SESTD1: variants seen among roughly 807,000 people sequenced by gnomAD.
The protein encoded by SESTD1 is SEC14 domain and spectrin repeat-containing protein 1.
A neutral mutation model predicts 101.7 loss-of-function variants in SESTD1; 43 were observed. That is an observed-to-expected ratio of 0.42 (90% CI 0.33 to 0.55). The LOEUF is 0.55. Ranked by LOEUF, SESTD1 falls within the 20% of genes least tolerant of loss-of-function variation. SESTD1 has a pLI of 0.07. For synonymous variants in SESTD1, 283 were observed against 286.8 expected (o/e 0.99, Z 0.13); for missense variants, 647 against 815.1 (o/e 0.79, Z 2.51).
At chr2:179,175,074 C>A (rs1004720226) in intron 4 of SESTD1, among the ~76,000 whole-genome samples, 5 of 152,056 alleles carry the variant, frequency 3.3e-5, no homozygotes, top group African/African-American at 4.8e-5. Flanking sequence ...CTGGTAAATA[C>A]ACATTTTAAA....
intron 2 of SESTD1, among the ~76,000 whole-genome samples, chr2:179,185,305 T>A (rs932705334): frequency 6.7e-6 from 1 of 149,174 alleles, no homozygotes; most frequent in Non-Finnish European, 1.5e-5. Context: ...ATCATTCATA[T>A]CAGAGTATAA....
At chr2:179,238,224 T>C (rs1036372374) in intron 1 of SESTD1, among the ~76,000 whole-genome samples, 2 of 152,150 alleles carry the variant, frequency 1.3e-5, no homozygotes, top group African/African-American at 4.8e-5. Context: ...AGGAAGAGGA[T>C]AGGTTGGCCT....
intron 1 of SESTD1, among the ~76,000 whole-genome samples, chr2:179,227,494 G>T (rs928797681): frequency 2.6e-5 from 4 of 152,048 alleles, no homozygotes; most frequent in African/African-American, 9.7e-5. Context: ...TAAGAATTGA[G>T]GTAACAAAAT....
intron 1 of SESTD1, among the ~76,000 whole-genome samples, chr2:179,239,003 G>T (rs1325984176): frequency 6.6e-6 from 1 of 152,122 alleles, no homozygotes; most frequent in Non-Finnish European, 1.5e-5. Context: ...AGAAATTCAA[G>T]AGTGTCTCAT....
At chr2:179,130,855 C>T (rs936109224) in intron 10 of SESTD1, among the ~76,000 whole-genome samples, 6 of 151,282 alleles carry the variant, frequency 4.0e-5, no homozygotes, top group African/African-American at 1.2e-4. Flanking sequence ...AATCACAATC[C>T]ATGTTAAAAA....
At chr2:179,201,630 G>A (rs530205828) in intron 1 of SESTD1, among the ~76,000 whole-genome samples, 1,282 of 124,762 alleles carry the variant, frequency 0.01, 234 homozygotes, top group African/African-American at 0.04. Flanking sequence ...GTAGGGACAT[G>A]GATGAAATTG....
At chr2:179,117,497 A>C in intron 14 of SESTD1, 35 bp downstream of exon 14, 1 of 1,514,160 alleles carries the variant, frequency 6.6e-7, no homozygotes, top group South Asian at 1.3e-5. Flanking sequence ...CTTCTAAGAA[A>C]AGTTAACTAC....
intron 9 of SESTD1, among the ~76,000 whole-genome samples, chr2:179,137,181 A>T (rs1281378403): frequency 6.6e-6 from 1 of 152,204 alleles, no homozygotes; most frequent in African/African-American, 2.4e-5. Context: ...AAATGGTTAC[A>T]TTTACATGCA....
At position 179,243,246 on chromosome 2, in the gene SESTD1, C is replaced by CA. The variant is rs557001160; in HGVS notation, c.-26+21252dup. ...GTCAGAATGGCTATTATTAAAAAGT[C>CA]AAAAAAAATGACAGATGCTGGCAAG... On this transcript the variant is annotated intron_variant, in intron 1 of 17. Transcript: ENST00000428443. Among the ~76,000 whole-genome samples the CA allele has an allele frequency of 1.4e-3, 207 of 151,330 alleles. 3 individuals are homozygous for CA. The South Asian group carries it at 0.024, about 17-fold the overall frequency.
chr2:179,145,636 G>A (rs2045378649), intron 8 of SESTD1, among the ~76,000 whole-genome samples: 2 of 152,212 alleles, frequency 1.3e-5, no homozygotes, highest in Admixed American at 1.3e-4. Flanking sequence ...AGCACTATGT[G>A]CTTGCACTAT....
At chr2:179,173,274 A>T (rs1163680452) in intron 4 of SESTD1, among the ~76,000 whole-genome samples, 1 of 151,774 alleles carries the variant, frequency 6.6e-6, no homozygotes, top group Non-Finnish European at 1.5e-5. Flanking sequence ...GCATCATCTG[A>T]CTCAGTCTCT....
chr2:179,167,246 T>C (rs575520453), intron 5 of SESTD1, among the ~76,000 whole-genome samples: 1 of 152,306 alleles, frequency 6.6e-6, no homozygotes, highest in Non-Finnish European at 1.5e-5. Context: ...ATGGTAATTT[T>C]CAATGGTCTC....
intron 1 of SESTD1, among the ~76,000 whole-genome samples, chr2:179,234,357 G>A (rs1057346842): frequency 6.6e-6 from 1 of 152,170 alleles, no homozygotes; most frequent in Non-Finnish European, 1.5e-5. Flanking sequence ...TAACATGAGT[G>A]CCCAGATCTT....
intron 2 of SESTD1, among the ~76,000 whole-genome samples, chr2:179,185,776 TAC>T (rs2046216555): frequency 8.2e-6 from 1 of 122,428 alleles, no homozygotes; most frequent in African/African-American, 3.2e-5. Flanking sequence ...ATATAGCATA[TAC>T]AATATAGTAT....
In SESTD1 at chr2:179,210,764, G is replaced by A. The variant is rs1475368511; in HGVS notation, c.-25-18898C>T. 1.5e-5 allele frequency among the ~76,000 whole-genome samples: 2 copies of A among 134,286 alleles called. 1 individual carries two copies. Among genetic ancestry groups the A allele is most frequent in the African/African-American group, 5.9e-5 (2 of 33,916 alleles). The allele number at this position is 134,286 out of a possible 152,430, so 88.1% of individuals were successfully genotyped here. A position where few individuals can be genotyped will look rare whatever the true frequency, so the allele number is the denominator to read the frequency against. ...GAAAACTTGAAAGCATTCCCCCTGAGAATTGGAACAAGATGTGGATGCCCA... is the reference window on the plus strand; with the variant it reads ...GAAAACTTGAAAGCATTCCCCCTGAAAATTGGAACAAGATGTGGATGCCCA... On this transcript the variant is annotated intron_variant, in intron 1 of 17. Coordinates refer to ENST00000428443, the MANE Select transcript of SESTD1 (RefSeq NM_178123.5).
At chr2:179,149,745 A>G (rs2105448788) in intron 6 of SESTD1, among the ~76,000 whole-genome samples, 1 of 152,342 alleles carries the variant, frequency 6.6e-6, no homozygotes, top group South Asian at 2.1e-4. Flanking sequence ...ACAGTTACAG[A>G]ACACTTCTTT....
chr2:179,203,027 G>T (rs1338983395), intron 1 of SESTD1, among the ~76,000 whole-genome samples: 1 of 134,952 alleles, frequency 7.4e-6, no homozygotes, highest in Non-Finnish European at 1.6e-5. Context: ...TCTGTCAGAG[G>T]GGGTGGGGGA....
At chr2:179,238,100 T>C (rs1378765931) in intron 1 of SESTD1, among the ~76,000 whole-genome samples, 1 of 152,182 alleles carries the variant, frequency 6.6e-6, no homozygotes, top group Non-Finnish European at 1.5e-5. Flanking sequence ...AAATAAAATC[T>C]TATTAAGAAA....
chr2:179,222,688 C>G (rs1376857929), intron 1 of SESTD1, among the ~76,000 whole-genome samples: 1 of 151,994 alleles, frequency 6.6e-6, no homozygotes, highest in African/African-American at 2.4e-5. Flanking sequence ...GTAATCTGCT[C>G]AAAATAATAT....
Sources: gnomAD v4.1 joint callset for allele counts (sites outside exome capture counted in the v4.1 genomes callset) on GRCh38, gnomAD v4.1.1 for gene constraint, MANE v1.5 for transcripts, NCBI Gene and HGNC (gene_info 2026-07-23, HGNC 2026-07-21) for gene names.